The following PHF14 variants were observed in gnomAD, a reference collection of about 807,000 sequenced individuals.
PHF14 encodes the protein PHD finger protein 14.
Under a neutral mutation model 117.9 loss-of-function variants are expected in PHF14, and 55 were observed. The ratio of observed to expected loss-of-function variants is 0.47; its 90% CI spans 0.38 to 0.58. The LOEUF is 0.58. Among genes scored for constraint, PHF14 ranks in the 20% least tolerant of loss-of-function variants. The pLI, the probability that PHF14 is intolerant of heterozygous loss-of-function variation, is 0.00. For missense variants in PHF14, 978 were observed against 1,122.2 expected (o/e 0.87, Z 1.84); for synonymous variants, 409 against 368.6 (o/e 1.11, Z -1.26).
chr7:11,065,367 A>G (rs1168519257), intron 16 of PHF14, among the ~76,000 whole-genome samples: 2 of 152,128 alleles, frequency 1.3e-5, no homozygotes, highest in Non-Finnish European at 2.9e-5. Flanking sequence ...GGAACTACTT[A>G]GTGATACCTT....
intron 16 of PHF14, chr7:11,104,201 A>G: frequency 2.0e-6 from 2 of 982,958 alleles, no homozygotes; most frequent in Non-Finnish European, 2.4e-6. Context: ...ATAATACTAT[A>G]TTATCATCAT....
At chr7:11,116,315 G>A (rs931691274) in intron 17 of PHF14, among the ~76,000 whole-genome samples, 4 of 151,854 alleles carry the variant, frequency 2.6e-5, no homozygotes, top group Non-Finnish European at 5.9e-5. Flanking sequence ...TCCTTTTAGT[G>A]GAAAACGATA....
chr7:11,157,497 TTAAGTACC>T (rs1788900751), intron 17 of PHF14, among the ~76,000 whole-genome samples: 1 of 152,166 alleles, frequency 6.6e-6, no homozygotes. Flanking sequence ...GAGAAATTTC[TTAAGTACC>T]TCTTTTTCCC....
intron 17 of PHF14, among the ~76,000 whole-genome samples, chr7:11,123,012 T>A (rs898020517): frequency 2.6e-5 from 4 of 152,244 alleles, no homozygotes; most frequent in Non-Finnish European, 5.9e-5. Context: ...TTAAAAATAC[T>A]TCTTTCTCGC....
At chr7:11,088,528 C>G (rs1455840238) in intron 16 of PHF14, among the ~76,000 whole-genome samples, 1 of 151,908 alleles carries the variant, frequency 6.6e-6, no homozygotes, top group Non-Finnish European at 1.5e-5. Flanking sequence ...TTTTAAATGT[C>G]TTTTATAAAT....
At chr7:11,036,803 G>A in intron 9 of PHF14, 115 bp downstream of exon 9, 1 of 1,018,752 alleles carries the variant, frequency 9.8e-7, no homozygotes, top group South Asian at 1.7e-5. Flanking sequence ...ATATCATAGA[G>A]GGATGTTTAT....
intron 4 of PHF14, among the ~76,000 whole-genome samples, chr7:10,991,604 C>T (rs1377789254): frequency 6.6e-6 from 1 of 152,060 alleles, no homozygotes; most frequent in South Asian, 2.1e-4. Context: ...GCCACCGCAC[C>T]TGGTCCCCCA....
chr7:11,082,766 C>G (rs1477460091), intron 16 of PHF14, among the ~76,000 whole-genome samples: 1 of 152,218 alleles, frequency 6.6e-6, no homozygotes, highest in Non-Finnish European at 1.5e-5. Context: ...TCTCTTTAGT[C>G]TCAGCCTTCA....
chr7:11,085,363 A>G (rs1786350169), intron 16 of PHF14, among the ~76,000 whole-genome samples: 1 of 152,146 alleles, frequency 6.6e-6, no homozygotes, highest in Non-Finnish European at 1.5e-5. Context: ...TATTTTGTTA[A>G]TTTTTGAATA....
chr7:10,983,205 A>G (rs1782103568), intron 3 of PHF14, 46 bp downstream of exon 3: 1 of 1,539,144 alleles, frequency 6.5e-7, no homozygotes, highest in African/African-American at 1.4e-5. Flanking sequence ...GGAAAAGGGA[A>G]TTCTTCTCTA....
intron 4 of PHF14, among the ~76,000 whole-genome samples, chr7:11,011,342 T>A (rs1783351699): frequency 6.6e-6 from 1 of 152,360 alleles, no homozygotes; most frequent in Non-Finnish European, 1.5e-5. Flanking sequence ...TTTAGGCTCC[T>A]GGTTGTCTGG....
chr7:11,168,130 GATAAA>G (rs1246433654), intron 17 of PHF14, among the ~76,000 whole-genome samples: 2 of 151,832 alleles, frequency 1.3e-5, no homozygotes, highest in Non-Finnish European at 2.9e-5. Context: ...ATTCACTGGA[GATAAA>G]ATAAGGAAAA....
intron 17 of PHF14, among the ~76,000 whole-genome samples, chr7:11,147,649 T>C (rs1441891112): frequency 2.6e-5 from 4 of 152,342 alleles, no homozygotes; most frequent in African/African-American, 7.2e-5. Context: ...TCTAATTTTC[T>C]TTGTTTGTAA....
At chr7:11,038,114 A>G (rs538299170) in intron 10 of PHF14, among the ~76,000 whole-genome samples, 2 of 152,308 alleles carry the variant, frequency 1.3e-5, no homozygotes, top group South Asian at 2.1e-4. Flanking sequence ...TGGCTTGAAT[A>G]TATTAAAAAT....
At chr7:11,032,312 T>A (rs1046638812) in intron 7 of PHF14, among the ~76,000 whole-genome samples, 17 of 152,174 alleles carry the variant, frequency 1.1e-4, no homozygotes, top group Admixed American at 3.9e-4. Context: ...TATTTAAATG[T>A]TTCTGGTTTC....
At chr7:11,021,696 T>C (rs1681281) in intron 5 of PHF14, among the ~76,000 whole-genome samples, 63,251 of 151,964 alleles carry the variant, frequency 0.42, 15,011 homozygotes, top group Non-Finnish European at 0.53. Flanking sequence ...TTGTTGAAGA[T>C]GTGTATCTTT....
At chr7:11,060,169 G>A (rs1044797411) in intron 14 of PHF14, among the ~76,000 whole-genome samples, 1 of 152,182 alleles carries the variant, frequency 6.6e-6, no homozygotes, top group Non-Finnish European at 1.5e-5. Context: ...GAGCCATGGT[G>A]CCTGGCCTGT....
intron 6 of PHF14, among the ~76,000 whole-genome samples, chr7:11,025,288 G>A (rs1458265464): frequency 2.0e-5 from 3 of 152,178 alleles, no homozygotes; most frequent in Non-Finnish European, 1.5e-5. Flanking sequence ...TCCTGGTGAA[G>A]ATGCTATGAA....
intron 16 of PHF14, among the ~76,000 whole-genome samples, chr7:11,068,381 C>T (rs1785496941): frequency 1.4e-5 from 2 of 145,102 alleles, no homozygotes; most frequent in Admixed American, 6.9e-5. Context: ...AAATCTGATA[C>T]TGCAACATAG....
Sources: gnomAD v4.1 joint callset for allele counts (sites outside exome capture counted in the v4.1 genomes callset) on GRCh38, gnomAD v4.1.1 for gene constraint, MANE v1.5 for transcripts, NCBI Gene and HGNC (gene_info 2026-07-23, HGNC 2026-07-21) for gene names.